NCOA2: variants seen among roughly 807,000 people sequenced by gnomAD.
The protein encoded by NCOA2 is class E basic helix-loop-helix protein 75.
In NCOA2, 21 loss-of-function variants were observed where a neutral mutation model predicts 145.1. The observed-to-expected ratio is 0.14, with a 90% CI of 0.10 to 0.21. The LOEUF is 0.21. Ranked by LOEUF, NCOA2 falls within the 10% of genes least tolerant of loss-of-function variation. The probability of loss-of-function intolerance (pLI) is 1.00; values close to 1 mark genes in which losing one functional copy is unlikely to be tolerated. For missense variants in NCOA2, 1,472 were observed against 1,837.6 expected, an observed-to-expected ratio of 0.80 and a Z score of 3.64; for synonymous variants, 619 against 637.5, an observed-to-expected ratio of 0.97 and a Z score of 0.44.
intron 10 of NCOA2, among the ~76,000 whole-genome samples, chr8:70,159,185 GTAAA>G (rs1333465698): frequency 1.6e-5 from 2 of 122,706 alleles, no homozygotes; most frequent in East Asian, 2.2e-4. Context: ...CTGATACAGT[GTAAA>G]TATAGTTATA....
chr8:70,166,599 A>C lies in NCOA2; in HGVS notation c.697T>G (p.Ser233Ala). The change falls in exon 7 of 23, where the codon TCT becomes GCT. Residue 233 changes from serine to alanine, a missense_variant. This residue lies in a region of NCOA2 where 284 missense variants were observed against 467.8 expected (regional missense o/e 0.61). Transcript: ENST00000452400. ...TCTTCTTTGATGGACTTTGGTTGAG[A>C]GACAGCGAAGCACTGCATAGTTTCA... ...KYETMQCFAV[S>A]QPKSIKEEGE... is the part of the protein sequence containing the mutation. 1 of 1,614,026 alleles carries C rather than the reference A, an allele frequency of 6.2e-7. No individual in the cohort carries two copies. Among genetic ancestry groups the C allele is most frequent in the Non-Finnish European group, 8.5e-7 (1 of 1,179,886 alleles).
intron 1 of NCOA2, among the ~76,000 whole-genome samples, chr8:70,366,546 AAT>A (rs979139984): frequency 3.6e-4 from 55 of 151,272 alleles, no homozygotes; most frequent in African/African-American, 1.3e-3. Flanking sequence ...TGTATATATT[AAT>A]GTTATTTTTT....
chr8:70,387,080 T>C (rs1439279245), intron 1 of NCOA2, among the ~76,000 whole-genome samples: 1 of 152,050 alleles, frequency 6.6e-6, no homozygotes, highest in Non-Finnish European at 1.5e-5. Context: ...AGAGATGGGG[T>C]CTCGCTTTAA....
In NCOA2 at chr8:70,207,088, G is replaced by T. The variant is rs1818517435; in HGVS notation, c.259+6815C>A. On this transcript the variant is annotated intron_variant, in intron 4 of 22. Coordinates refer to ENST00000452400, the MANE Select transcript of NCOA2 (RefSeq NM_006540.4). ...ACTTACTGATTGCTGGATTTCCCCTGGCAAATAACCATACGTTTTATATAT... is the reference window on the plus strand; with the variant it reads ...ACTTACTGATTGCTGGATTTCCCCTTGCAAATAACCATACGTTTTATATAT... Among the ~76,000 whole-genome samples, 3 of 151,876 alleles carry T rather than the reference G, an allele frequency of 2.0e-5. No homozygotes were observed. In the South Asian group the frequency reaches 6.2e-4, roughly 31 times the overall value.
chr8:70,160,284 T>C (rs746708784), intron 9 of NCOA2, among the ~76,000 whole-genome samples: 7 of 152,126 alleles, frequency 4.6e-5, no homozygotes, highest in Non-Finnish European at 8.8e-5. Context: ...TAAACAAAAC[T>C]GAAACAATAA....
At position 70,126,657 on chromosome 8, in the gene NCOA2, G is replaced by T. The variant is rs1808451802; in HGVS notation, c.3916+156C>A. 2.4e-5 allele frequency: 16 copies of T among 669,126 alleles called. No individual in the cohort carries two copies. In the South Asian group the frequency reaches 3.0e-4, roughly 12 times the overall value. 41.4% of individuals were successfully genotyped at this position (669,126 alleles called of 1,614,324 possible). A position where few individuals can be genotyped will look rare whatever the true frequency, so the allele number is the denominator to read the frequency against. On this transcript the variant is annotated intron_variant, in intron 19 of 22. Transcript: ENST00000452400. The stretch of plus-strand genomic sequence containing the variant: ...TGCTGGACTTGGGGACTCCTCACAG[G>T]CCCCAACTGTCCTCCCAGGTTTCCT...
In NCOA2 at chr8:70,162,756, G is replaced by C; in HGVS notation, c.931C>G (p.His311Asp). ...GCATAGGACACAGATTCTCCTTCAT[G>C]CTGCGCATGGAACTTCTGAATACAC... is the stretch of plus-strand genomic sequence containing the variant. ...RRCIQKFHAQ[H>D]EGESVSYAKR... is the part of the protein sequence containing the mutation. Residue 311 changes from histidine (H) to aspartate (D), a missense_variant, in exon 9 of 23, where the codon CAT (histidine) becomes GAT (aspartate). This residue lies in a region of NCOA2 where 284 missense variants were observed against 467.8 expected (regional missense o/e 0.61). Coordinates refer to ENST00000452400, the MANE Select transcript of NCOA2 (RefSeq NM_006540.4). The C allele has an allele frequency of 1.2e-6, 2 of 1,613,876 alleles. No individual in the cohort carries two copies. Among genetic ancestry groups the C allele is most frequent in the Non-Finnish European group, 1.7e-6 (2 of 1,179,846 alleles).
chr8:70,323,632 C>T (rs190273857), intron 1 of NCOA2, among the ~76,000 whole-genome samples: 214 of 152,100 alleles, frequency 1.4e-3, no homozygotes, highest in Non-Finnish European at 2.5e-3. Context: ...AGATTATTGC[C>T]TGGGGATACT....
chr8:70,198,014 TG>T (rs1372198916), intron 4 of NCOA2, among the ~76,000 whole-genome samples: 1 of 152,166 alleles, frequency 6.6e-6, no homozygotes, highest in Non-Finnish European at 1.5e-5. Flanking sequence ...TTGCCCAGGC[TG>T]GTCTCAAACT....
intron 2 of NCOA2, among the ~76,000 whole-genome samples, chr8:70,254,624 T>C (rs1823481936): frequency 1.4e-5 from 2 of 141,708 alleles, no homozygotes; most frequent in African/African-American, 2.6e-5. Flanking sequence ...ATTGTATGAT[T>C]CCTCTTACAT....
chr8:70,281,894 CATT>C (rs1251312739), intron 2 of NCOA2, among the ~76,000 whole-genome samples: 4 of 152,210 alleles, frequency 2.6e-5, no homozygotes, highest in Non-Finnish European at 4.4e-5. Context: ...TGTGGTTCAT[CATT>C]ATTTATTATT....
intron 2 of NCOA2, among the ~76,000 whole-genome samples, chr8:70,244,402 G>T (rs1822434919): frequency 6.6e-6 from 1 of 152,030 alleles, no homozygotes; most frequent in South Asian, 2.1e-4. Context: ...AGCAAAAGCA[G>T]ACAAGTACAG....
At chr8:70,334,121 CTCAA>C (rs1197869112) in intron 1 of NCOA2, among the ~76,000 whole-genome samples, 1 of 152,162 alleles carries the variant, frequency 6.6e-6, no homozygotes, top group East Asian at 1.9e-4. Context: ...ATATAGTGAA[CTCAA>C]TCAAATTTTA....
chr8:70,433,419 C>T, the NCOA2 span, among the ~76,000 whole-genome samples: 1 of 151,900 alleles, frequency 6.6e-6, no homozygotes, highest in East Asian at 1.9e-4. Flanking sequence ...GTTTTCCATT[C>T]TATATGTCAA....
rs141794553 is a variant in NCOA2, at chr8:70,285,388, C to A, written c.-20+11356G>T. ...TTCAGCTAAGATGATAACCAAGAGTCATTTTCCTACCTTTTGGCACTTGAG... is the reference window on the plus strand; with the variant it reads ...TTCAGCTAAGATGATAACCAAGAGTAATTTTCCTACCTTTTGGCACTTGAG... On this transcript the variant is annotated intron_variant, in intron 2 of 22. Transcript: ENST00000452400. Among the ~76,000 whole-genome samples the A allele has an allele frequency of 2.2e-3, 335 of 152,322 alleles. No homozygotes were observed. In the Middle Eastern group the frequency reaches 0.024, roughly 11 times the overall value.
Position 70,329,999 on chromosome 8 carries a change from A to T in NCOA2, c.-76-33199T>A, listed in dbSNP as rs1014043042. On this transcript the variant is annotated intron_variant, in intron 1 of 22. Transcript: ENST00000452400. ...GGAGTGATATAAATATCCTGTTTTC[A>T]TCTGGGTAGTATTTACAAAGGCACA... Among the ~76,000 whole-genome samples, 162 of 152,160 alleles carry T rather than the reference A, an allele frequency of 1.1e-3. 1 individual carries two copies. The highest frequency in any genetic ancestry group is 6.6e-4 in the Non-Finnish European group (45 of 68,036).
At chr8:70,208,845 A>G (rs901000959) in intron 4 of NCOA2, among the ~76,000 whole-genome samples, 3 of 152,248 alleles carry the variant, frequency 2.0e-5, no homozygotes, top group African/African-American at 7.2e-5. Flanking sequence ...CAGTCACCCA[A>G]GAGCTGTGAT....
intron 4 of NCOA2, among the ~76,000 whole-genome samples, chr8:70,183,317 A>T (rs1205962250): frequency 6.6e-6 from 1 of 152,214 alleles, no homozygotes; most frequent in Non-Finnish European, 1.5e-5. Flanking sequence ...ACCAAATTAT[A>T]AAAAAGTTCT....
At chr8:70,351,404 A>G (rs775001627) in intron 1 of NCOA2, among the ~76,000 whole-genome samples, 2 of 152,096 alleles carry the variant, frequency 1.3e-5, no homozygotes, top group Non-Finnish European at 2.9e-5. Context: ...TCTATTCTTT[A>G]AAGTTTTGTC....
Sources: allele counts gnomAD v4.1 joint callset (sites outside exome capture counted in the v4.1 genomes callset), GRCh38; gene constraint gnomAD v4.1.1; regional missense constraint gnomAD v4.1.1; transcripts MANE v1.5; gene names NCBI Gene and HGNC (gene_info 2026-07-23, HGNC 2026-07-21).